PODNL1: variants seen among roughly 807,000 people sequenced by gnomAD.
PODNL1 encodes podocan like 1.
Under a neutral mutation model 45.1 loss-of-function variants are expected in PODNL1, and 50 were observed. That is an observed-to-expected ratio of 1.11 (90% CI 0.88 to 1.40). The LOEUF is 1.40. Among genes scored for constraint, PODNL1 ranks in the 40% most tolerant of loss-of-function variants. The pLI is 0.00. For synonymous variants in PODNL1, 406 were observed against 372.5 expected (o/e 1.09, Z -1.04); for missense variants, 788 against 793.3 (o/e 0.99, Z 0.08).
Position 13,933,410 on chromosome 19 carries a change from C to CA in PODNL1, c.812dup (p.Thr272AspfsTer99). ...GGGGCAGGCCGGCGGGCACTGTGGT[C>CA]AGCTGGTTGTGGGAGAGATCCAGGT... On this transcript the variant is annotated frameshift_variant, in exon 8 of 10. Transcript: ENST00000588872. LOFTEE classifies it high-confidence loss of function. The surrounding 1 kb of genome is among the most constrained non-coding windows in gnomAD (Gnocchi z 5.2). 6.3e-7 allele frequency: 1 copy of CA among 1,598,584 alleles called. No homozygotes were observed. The highest frequency in any genetic ancestry group is 8.5e-7 in the Non-Finnish European group (1 of 1,174,302).
chr19:13,934,529 G>GCA, intron 5 of PODNL1, 119 bp from the exon 6 acceptor site: 1 of 992,084 alleles, frequency 1.0e-6, no homozygotes, highest in Non-Finnish European at 1.4e-6. Flanking sequence ...GTGTGTGTGC[G>GCA]CGCGCATGTG....
intron 2 of PODNL1, among the ~76,000 whole-genome samples, chr19:13,937,497 C>T (rs984423439): frequency 6.6e-6 from 1 of 150,782 alleles, no homozygotes; most frequent in Non-Finnish European, 1.5e-5. Context: ...ACCCCAAACT[C>T]CCCATCACAC....
At chr19:13,952,955 A>AG in intron 1 of PODNL1, 1 of 932,634 alleles carries the variant, frequency 1.1e-6, no homozygotes, top group Non-Finnish European at 1.6e-6. Flanking sequence ...ATCAGGAGGA[A>AG]GGGGGCGATC....
rs778745734 is a variant in PODNL1 at position 13,944,317 on chromosome 19, A to G, written c.19-6311T>C. ...GCTGGGACTACAGGCACCCGCCACC[A>G]TGCCTGGCTAAATTTTTTTGTATTT... is the stretch of plus-strand genomic sequence containing the variant. On this transcript the variant is annotated intron_variant, in intron 1 of 7. Transcript: ENST00000538371. Among the ~76,000 whole-genome samples, 243 of 151,922 alleles carry G rather than the reference A, an allele frequency of 1.6e-3. 1 individual carries two copies. The highest frequency in any genetic ancestry group is 2.8e-3 in the Non-Finnish European group (190 of 67,946).
upstream of PODNL1, among the ~76,000 whole-genome samples, chr19:13,938,991 A>ACGAAGGG (rs1372968997): frequency 1.3e-5 from 2 of 152,120 alleles, no homozygotes; most frequent in African/African-American, 4.8e-5. Context: ...TGCCTGGCAT[A>ACGAAGGG]TCCCAGGGCT....
intron 3 of PODNL1, 67 bp from the exon 4 acceptor site, chr19:13,936,111 C>T (rs1277229017): frequency 4.4e-6 from 6 of 1,365,068 alleles, no homozygotes; most frequent in Non-Finnish European, 6.1e-6. Flanking sequence ...GTCTGGGCTC[C>T]CAGCTGCCCC....
upstream of PODNL1, among the ~76,000 whole-genome samples, chr19:13,939,018 G>T (rs565251522): frequency 1.3e-4 from 20 of 152,252 alleles, no homozygotes; most frequent in Admixed American, 7.9e-4. Context: ...CCCGTGGATG[G>T]GGGTGACAAG....
In PODNL1 at chr19:13,933,823, T is replaced by C. The variant is rs1318858973; in HGVS notation, c.767+55A>G. The C allele has an allele frequency of 6.2e-6, 9 of 1,463,262 alleles. No individual in the cohort carries two copies. The highest frequency in any genetic ancestry group is 1.4e-5 in the African/African-American group (1 of 71,266). 90.6% of individuals were successfully genotyped at this position (1,463,262 alleles called of 1,614,324 possible). On this transcript the variant is annotated intron_variant, in intron 7 of 9. Coordinates refer to ENST00000588872, the MANE Select transcript of PODNL1 (RefSeq NM_001370095.3). This position sits in a 1 kb window ranked among gnomAD's most constrained non-coding sequence, Gnocchi z 5.2. The stretch of plus-strand genomic sequence containing the variant: ...CCAGTCAGGGAAGGGGGACTGAAGG[T>C]TGGGACCCCCGACTGTAAATTCTCA...
chr19:13,943,277 C>T (rs888994690), upstream of PODNL1, among the ~76,000 whole-genome samples: 2 of 149,780 alleles, frequency 1.3e-5, no homozygotes, highest in Admixed American at 6.7e-5. Context: ...GCCTGGGCAA[C>T]GAGAGTGAAA....
chr19:13,951,634 C>A (rs142766377), intron 1 of PODNL1, among the ~76,000 whole-genome samples: 2,680 of 152,168 alleles, frequency 0.018, 32 homozygotes, highest in Non-Finnish European at 0.028. Flanking sequence ...ATTAGGCAGG[C>A]GTGGTGGCGC....
At chr19:13,934,978 G>A (rs1972242071) in intron 5 of PODNL1, among the ~76,000 whole-genome samples, 1 of 152,004 alleles carries the variant, frequency 6.6e-6, no homozygotes, top group African/African-American at 2.4e-5. Flanking sequence ...GTGTGTGCAT[G>A]TGATTGCGTG....
At chr19:13,945,803 C>T (rs994031556) in intron 1 of PODNL1, among the ~76,000 whole-genome samples, 12 of 151,240 alleles carry the variant, frequency 7.9e-5, no homozygotes, top group Admixed American at 6.6e-4. Context: ...GCAGGAGAAT[C>T]GCTTGAACCT....
chr19:13,935,960 G>T lies in PODNL1; in HGVS notation c.384+20C>A, dbSNP rs540185869. 1 of 1,550,920 alleles carries T rather than the reference G, an allele frequency of 6.4e-7. No homozygotes were observed. The highest frequency in any genetic ancestry group is 1.2e-5 in the South Asian group (1 of 84,248). On this transcript the variant is annotated intron_variant, in intron 4 of 9. Coordinates refer to ENST00000588872, the MANE Select transcript of PODNL1 (RefSeq NM_001370095.3). ...TGCACCCTCACTGGGCTCGGCCTGC[G>T]GGTGGGGCTGGGGGCTCACCTTGTT...
At chr19:13,940,570 C>CAAA (rs759568554), upstream of PODNL1, among the ~76,000 whole-genome samples, 24 of 83,018 alleles carry the variant, frequency 2.9e-4, no homozygotes, top group Non-Finnish European at 2.6e-4. Flanking sequence ...GACTCCGTCT[C>CAAA]AAAAAAAAAA....
rs752293561 is a variant in PODNL1, at chr19:13,935,709, G to T, written c.494+12C>A. On this transcript the variant is annotated intron_variant, in intron 5 of 9. Coordinates refer to ENST00000588872, the MANE Select transcript of PODNL1 (RefSeq NM_001370095.3). ...TCTGAGGCCTGGGGGCCTGGGCTGG[G>T]CCAGGGTCTACCTGAGTGCCGGCTT... 2.0e-6 allele frequency: 3 copies of T among 1,531,796 alleles called. No individual in the cohort carries two copies. The Admixed American group carries it at 6.7e-5, about 34-fold the overall frequency. The allele number at this position is 1,531,796 out of a possible 1,614,324, so 94.9% of individuals were successfully genotyped here. A position where few individuals can be genotyped will look rare whatever the true frequency, so the allele number is the denominator to read the frequency against.
chr19:13,933,427 G>A lies in PODNL1; in HGVS notation c.796C>T (p.Leu266Phe). 3 of 1,590,364 alleles carry A rather than the reference G, an allele frequency of 1.9e-6. No homozygotes were observed. Among genetic ancestry groups the A allele is most frequent in the Non-Finnish European group, 2.6e-6 (3 of 1,169,766 alleles). ...ACTGTGGTCAGCTGGTTGTGGGAGAGATCCAGGTATTCAAGGCTATGCAGC... is the reference window on the plus strand; with the variant it reads ...ACTGTGGTCAGCTGGTTGTGGGAGAAATCCAGGTATTCAAGGCTATGCAGC... Reference protein sequence around the residue: ...SKLHSLEYLDLSHNQLTTVPA... With the variant: ...SKLHSLEYLDFSHNQLTTVPA... Residue 266 changes from leucine to phenylalanine, a missense_variant, in exon 8 of 10, where the codon CTC (leucine) becomes TTC (phenylalanine). Leu to Phe is a conservative substitution (Grantham distance 22, BLOSUM62 0). This residue lies in a region of PODNL1 where 762 missense variants were observed against 750.9 expected (regional missense o/e 1.01). Coordinates refer to ENST00000588872, the MANE Select transcript of PODNL1 (RefSeq NM_001370095.3). This position sits in a 1 kb window ranked among gnomAD's most constrained non-coding sequence, Gnocchi z 5.2.
Position 13,932,060 on chromosome 19 carries a change from TCAGG to T in PODNL1, c.1474_1477del (p.Pro492ArgfsTer3). The T allele has an allele frequency of 1.5e-5, 18 of 1,232,536 alleles. No homozygotes were observed. The highest frequency in any genetic ancestry group is 1.7e-5 in the Non-Finnish European group (17 of 988,284). 76.3% of individuals were successfully genotyped at this position (1,232,536 alleles called of 1,614,324 possible). On this transcript the variant is annotated frameshift_variant, in exon 9 of 10. Transcript: ENST00000588872. LOFTEE classifies it high-confidence loss of function. Reference sequence around the variant, plus strand: ...CTCGAGGTGCAGCTCCTCTAGGGCCTCAGGCAGGTCCGGGGGCACAAAGGACAGC... The same window carrying T: ...CTCGAGGTGCAGCTCCTCTAGGGCCTCAGGTCCGGGGGCACAAAGGACAGC...
At chr19:13,934,531 GCGCA>G in intron 5 of PODNL1, 121 bp from the exon 6 acceptor site, 7 of 971,760 alleles carry the variant, frequency 7.2e-6, no homozygotes, top group Non-Finnish European at 1.0e-5. Context: ...GTGTGTGCGC[GCGCA>G]TGTGTGGAGT....
At position 13,937,700 on chromosome 19, in the gene PODNL1, C is replaced by A. The variant is rs531487161; in HGVS notation, c.225+85G>T. The A allele has an allele frequency of 4.6e-4, 597 of 1,288,496 alleles. 4 individuals carry two copies. The South Asian group carries it at 7.8e-3, about 17-fold the overall frequency. 79.8% of individuals were successfully genotyped at this position (1,288,496 alleles called of 1,614,324 possible). A position where few individuals can be genotyped will look rare whatever the true frequency, so the allele number is the denominator to read the frequency against. ...AAGTGTGTTCCTATACCCCACCACG[C>A]TCCTCAGCTCTGGGGCACCCCTCCA... On this transcript the variant is annotated intron_variant, in intron 2 of 9. Coordinates refer to ENST00000588872, the MANE Select transcript of PODNL1 (RefSeq NM_001370095.3).
Sources: allele counts gnomAD v4.1 joint callset (sites outside exome capture counted in the v4.1 genomes callset), GRCh38; gene constraint gnomAD v4.1.1; regional missense constraint gnomAD v4.1.1; non-coding constraint Gnocchi (gnomAD v3.1); transcripts MANE v1.5; gene names NCBI Gene and HGNC (gene_info 2026-07-23, HGNC 2026-07-21).